ZNF37A: variants seen among roughly 807,000 people sequenced by gnomAD.
ZNF37A encodes zinc finger protein 37a (KOX 21).
Under a neutral mutation model 12.3 loss-of-function variants are expected in ZNF37A, and 10 were observed. The ratio of observed to expected loss-of-function variants is 0.82; its 90% CI spans 0.50 to 1.38. ZNF37A has a LOEUF of 1.38. ZNF37A is among the 40% of genes most tolerant of loss of function. The probability of loss-of-function intolerance (pLI) is 0.00; values close to 1 mark genes in which losing one functional copy is unlikely to be tolerated. For missense variants in ZNF37A, 580 were observed against 651.2 expected (o/e 0.89, Z 1.19); for synonymous variants, 207 against 223.0 (o/e 0.93, Z 0.64).
At position 38,118,987 on chromosome 10, in the gene ZNF37A, G is replaced by A; in HGVS notation, c.*150G>A. 1 of 1,332,074 alleles carries A rather than the reference G, an allele frequency of 7.5e-7. No homozygotes were observed. Among genetic ancestry groups the A allele is most frequent in the East Asian group, 2.8e-5 (1 of 35,950 alleles). The allele number at this position is 1,332,074 out of a possible 1,614,324, so 82.5% of individuals were successfully genotyped here. On this transcript the variant is annotated 3_prime_UTR_variant, in exon 8 of 8. Coordinates refer to ENST00000685332, the MANE Select transcript of ZNF37A (RefSeq NM_001324250.3). Reference sequence around the variant, plus strand: ...AACAATATGAAGATAGGGAATGCAGGAAAACATTATTCTGGAATTTGGACC... The same window carrying A: ...AACAATATGAAGATAGGGAATGCAGAAAAACATTATTCTGGAATTTGGACC...
chr10:38,115,767 G>A (rs969166250), intron 7 of ZNF37A: 2 of 152,144 alleles, frequency 1.3e-5, no homozygotes, highest in Non-Finnish European at 2.9e-5. Context: ...TTTTAAAATA[G>A]CCTGGGCCCA....
At chr10:38,103,713 A>G (rs1302291812) in intron 5 of ZNF37A, among the ~76,000 whole-genome samples, 1 of 151,966 alleles carries the variant, frequency 6.6e-6, no homozygotes, top group Non-Finnish European at 1.5e-5. Context: ...ATTTTGTATT[A>G]TTTGCTTATT....
At chr10:38,137,438 A>C (rs1303903150) in intron 7 of ZNF37A, 1 of 152,212 alleles carries the variant, frequency 6.6e-6, no homozygotes, top group Non-Finnish European at 1.5e-5. Flanking sequence ...ATTACTTTTT[A>C]GTCTCCAAAA....
chr10:38,147,038 C>T (rs1367550319), exon 8 of ZNF37A: 40 of 309,582 alleles, frequency 1.3e-4, no homozygotes, highest in Non-Finnish European at 2.2e-4. Flanking sequence ...CAGTCTCTGG[C>T]TGATTATCTG....
At chr10:38,094,625 C>G (rs995852815) in intron 1 of ZNF37A, 135 bp downstream of exon 1, 1 of 152,398 alleles carries the variant, frequency 6.6e-6, no homozygotes, top group African/African-American at 2.4e-5. Context: ...AGGGAATGCG[C>G]AAGTCCCGCG....
At position 38,115,291 on chromosome 10, in the gene ZNF37A, G is replaced by A. The variant is rs536416366; in HGVS notation, c.238+1G>A. The stretch of plus-strand genomic sequence containing the variant: ...AAATTTCCAAGCCAGAGTCATCTGG[G>A]TGAGTTAGTATGTGCCAGATGGAAT... On this transcript the variant is annotated splice_donor_variant, in intron 7 of 7. Coordinates refer to ENST00000685332, the MANE Select transcript of ZNF37A (RefSeq NM_001324250.3). LOFTEE classifies it high-confidence loss of function. The A allele has an allele frequency of 2.5e-6, 4 of 1,613,070 alleles. No individual in the cohort carries two copies. The Admixed American group carries it at 5.0e-5, about 20-fold the overall frequency.
chr10:38,148,327 G>A (rs1267631179), exon 8 of ZNF37A: 6 of 152,228 alleles, frequency 3.9e-5, no homozygotes, highest in Admixed American at 2.0e-4. Context: ...AAGATTGTAG[G>A]AGAGTCATCA....
In ZNF37A at chr10:38,111,914, C is replaced by CT. The variant is rs35729359; in HGVS notation, c.16-2827dup. 2.0e-3 allele frequency among the ~76,000 whole-genome samples: 279 copies of CT among 142,958 alleles called. 3 individuals carry two copies. The highest frequency in any genetic ancestry group is 8.5e-3 in the East Asian group (41 of 4,822). The allele number at this position is 142,958 out of a possible 152,430, so 93.8% of individuals were successfully genotyped here. A position where few individuals can be genotyped will look rare whatever the true frequency, so the allele number is the denominator to read the frequency against. Reference sequence around the variant, plus strand: ...AACCTCCAAGGTTTCTGCTGATGATCTTTTTTTTTTTTTTGAGACGGAGTC... The same window carrying CT: ...AACCTCCAAGGTTTCTGCTGATGATCTTTTTTTTTTTTTTTGAGACGGAGTC... On this transcript the variant is annotated intron_variant, in intron 5 of 7. Coordinates refer to ENST00000685332, the MANE Select transcript of ZNF37A (RefSeq NM_001324250.3).
chr10:38,096,734 A>G (rs2067183461), intron 5 of ZNF37A, 102 bp downstream of exon 5: 1 of 1,195,960 alleles, frequency 8.4e-7, no homozygotes, highest in Admixed American at 1.9e-5. Flanking sequence ...CAGGGAAAAT[A>G]TAGAGGAGAG....
chr10:38,111,655 A>G (rs980894925), intron 5 of ZNF37A, among the ~76,000 whole-genome samples: 41 of 152,270 alleles, frequency 2.7e-4, no homozygotes, highest in African/African-American at 9.1e-4. Flanking sequence ...CCAAATCCAG[A>G]TGAAAACTTG....
At chr10:38,102,546 A>T (rs1252113955) in intron 5 of ZNF37A, among the ~76,000 whole-genome samples, 1 of 152,202 alleles carries the variant, frequency 6.6e-6, no homozygotes, top group African/African-American at 2.4e-5. Flanking sequence ...TGTTTTATGT[A>T]TCTGTCTTTT....
In ZNF37A at chr10:38,122,112, T is replaced by A. The variant is rs1324647545; in HGVS notation, c.*3275T>A. On this transcript the variant is annotated 3_prime_UTR_variant, in exon 8 of 8. Transcript: ENST00000685332. ...TTAGCCAGGCATGGTGGCATGCACC[T>A]GTAGTCCGAGGTACTCAGGAGGCAG... 6.6e-6 allele frequency: 1 copy of A among 152,280 alleles called. No homozygotes were observed. The highest frequency in any genetic ancestry group is 1.5e-5 in the Non-Finnish European group (1 of 68,224). 9.4% of individuals were successfully genotyped at this position (152,280 alleles called of 1,614,324 possible).
intron 7 of ZNF37A, chr10:38,115,534 C>A: frequency 2.9e-6 from 1 of 346,850 alleles, no homozygotes; most frequent in Non-Finnish European, 5.2e-6. Flanking sequence ...ATAGTTTAGC[C>A]AGAGATTAAT....
chr10:38,096,622 T>C lies in ZNF37A; in HGVS notation c.5T>C (p.Ile2Thr). 4 of 1,613,014 alleles carry C rather than the reference T, an allele frequency of 2.5e-6. 1 individual carries two copies. The South Asian group carries it at 4.4e-5, about 18-fold the overall frequency. Residue 2 changes from isoleucine (I) to threonine (T), a missense_variant, in exon 5 of 8, where the codon ATC becomes ACC. Transcript: ENST00000685332. ...CTCTTCCAACACCAGTGGAAGATGA[T>C]CACATCCCAGGTAAGTTGTTTATTT... Reference protein sequence around the residue: MITSQGSVSFRD... With the variant: MTTSQGSVSFRD...
In ZNF37A at chr10:38,124,047, C is replaced by T. The variant is rs1191511144; in HGVS notation, c.*5210C>T. On this transcript the variant is annotated 3_prime_UTR_variant, in exon 8 of 8. Transcript: ENST00000685332. ...TATCTGCACCGTGTTTACTGTAGCA[C>T]TACTCACAATAGCCAAGATTTGGAA... The T allele has an allele frequency of 6.6e-6, 1 of 152,192 alleles. No homozygotes were observed. The highest frequency in any genetic ancestry group is 1.5e-5 in the Non-Finnish European group (1 of 68,060). The allele number at this position is 152,192 out of a possible 1,614,324, so 9.4% of individuals were successfully genotyped here.
At chr10:38,141,648 A>G (rs985756936) in intron 7 of ZNF37A, 1 of 152,202 alleles carries the variant, frequency 6.6e-6, no homozygotes, top group Non-Finnish European at 1.5e-5. Flanking sequence ...GTCTACTTAT[A>G]GTATTATACC....
chr10:38,130,689 C>T (rs373175150), intron 7 of ZNF37A, among the ~76,000 whole-genome samples: 4 of 152,050 alleles, frequency 2.6e-5, no homozygotes, highest in East Asian at 1.9e-4. Context: ...AGGCTGTTCT[C>T]GAATTCCTGT....
downstream of ZNF37A, chr10:38,124,660 C>A (rs896097151): frequency 5.3e-5 from 8 of 152,090 alleles, no homozygotes; most frequent in Non-Finnish European, 1.2e-4. Flanking sequence ...TTAAATGTTT[C>A]TATAAATTTA....
intron 5 of ZNF37A, among the ~76,000 whole-genome samples, chr10:38,106,244 G>A (rs2068073840): frequency 6.6e-6 from 1 of 152,214 alleles, no homozygotes; most frequent in South Asian, 2.1e-4. Flanking sequence ...CAGACCTGCA[G>A]CAGAGGGGCC....
Sources: gnomAD v4.1 joint callset for allele counts (sites outside exome capture counted in the v4.1 genomes callset) on GRCh38, gnomAD v4.1.1 for gene constraint, MANE v1.5 for transcripts, NCBI Gene and HGNC (gene_info 2026-07-23, HGNC 2026-07-21) for gene names.